HTR4: variants seen among roughly 807,000 people sequenced by gnomAD.
HTR4 encodes 5-hydroxytryptamine (serotonin) receptor 4, G protein-coupled.
In HTR4, 16 loss-of-function variants were observed where a neutral mutation model predicts 36.8. That is an observed-to-expected ratio of 0.43 (90% confidence interval 0.29 to 0.66). HTR4 has a LOEUF of 0.66. HTR4 is among the 30% of genes least tolerant of loss of function. The probability of loss-of-function intolerance (pLI) is 0.13; values close to 1 mark genes in which losing one functional copy is unlikely to be tolerated. For missense variants in HTR4, 438 were observed against 490.9 expected (o/e 0.89, Z 1.02); for synonymous variants, 189 against 185.1 (o/e 1.02, Z -0.17).
intron 5 of HTR4, among the ~76,000 whole-genome samples, chr5:148,462,678 T>C (rs1414892763): frequency 6.6e-6 from 1 of 152,076 alleles, no homozygotes; most frequent in Non-Finnish European, 1.5e-5. Context: ...AGCATTATCC[T>C]GTACCAAAAC....
chr5:148,454,675 A>G (rs1033223097), intron 5 of HTR4, among the ~76,000 whole-genome samples: 3 of 152,168 alleles, frequency 2.0e-5, no homozygotes, highest in South Asian at 2.1e-4. Context: ...AGCAACACCA[A>G]TTGATTTCCC....
chr5:148,554,956 G>A (rs1470824446), intron 2 of HTR4, among the ~76,000 whole-genome samples: 1 of 151,934 alleles, frequency 6.6e-6, no homozygotes, highest in Non-Finnish European at 1.5e-5. Context: ...CAGCTCCATC[G>A]ATGTTGCTGC....
intron 2 of HTR4, among the ~76,000 whole-genome samples, chr5:148,609,361 G>C (rs559745423): frequency 1.0e-3 from 157 of 152,172 alleles, no homozygotes; most frequent in African/African-American, 3.3e-3. Context: ...TCCTTCACTG[G>C]GGACAAACTC....
chr5:148,527,352 G>T (rs1246707886), intron 4 of HTR4, among the ~76,000 whole-genome samples: 10 of 152,198 alleles, frequency 6.6e-5, no homozygotes, highest in African/African-American at 2.4e-4. Context: ...TGGTTATATT[G>T]GTGCTCATAA....
At chr5:148,566,133 A>C (rs749047939) in intron 2 of HTR4, among the ~76,000 whole-genome samples, 2 of 152,206 alleles carry the variant, frequency 1.3e-5, no homozygotes, top group Non-Finnish European at 2.9e-5. Context: ...TATTGGTTAC[A>C]TAAACAATTT....
At chr5:148,623,756 C>A (rs751295586) in intron 2 of HTR4, among the ~76,000 whole-genome samples, 1 of 152,122 alleles carries the variant, frequency 6.6e-6, no homozygotes, top group Non-Finnish European at 1.5e-5. Flanking sequence ...CCCGTGCTAA[C>A]GTTCTAGGTC....
At chr5:148,528,289 A>G (rs1758385326) in intron 4 of HTR4, among the ~76,000 whole-genome samples, 1 of 152,204 alleles carries the variant, frequency 6.6e-6, no homozygotes, top group Non-Finnish European at 1.5e-5. Context: ...CCTCTGTCTT[A>G]CAGTAAACAT....
At chr5:148,591,013 T>C (rs1761544567) in intron 2 of HTR4, among the ~76,000 whole-genome samples, 1 of 152,192 alleles carries the variant, frequency 6.6e-6, no homozygotes, top group South Asian at 2.1e-4. Context: ...GTATATGGTG[T>C]AAGGAAGGGG....
Position 148,519,615 on chromosome 5 carries a change from A to G in HTR4, c.507+3578T>C, listed in dbSNP as rs141966487. On this transcript the variant is annotated intron_variant, in intron 5 of 6. Transcript: ENST00000377888. ...TATTTGTAACCTCCTAAATCCCCCA[A>G]ATCAATACTTGAGTTGCTTTCACAG... Among the ~76,000 whole-genome samples the G allele has an allele frequency of 6.6e-5, 10 of 152,284 alleles. No individual in the cohort carries two copies. In the East Asian group the frequency reaches 1.9e-3, roughly 29 times the overall value.
intron 2 of HTR4, among the ~76,000 whole-genome samples, chr5:148,622,733 G>A (rs1752959203): frequency 6.6e-6 from 1 of 152,096 alleles, no homozygotes; most frequent in Non-Finnish European, 1.5e-5. Flanking sequence ...GATATTGTGA[G>A]ACTTAGATAA....
intron 4 of HTR4, among the ~76,000 whole-genome samples, chr5:148,524,888 T>C (rs916748607): frequency 6.6e-6 from 1 of 151,474 alleles, no homozygotes; most frequent in African/African-American, 2.4e-5. Context: ...AGAGAGAGGG[T>C]GGAATGAGGA....
chr5:148,527,971 G>C (rs1758363957), intron 4 of HTR4, among the ~76,000 whole-genome samples: 1 of 152,150 alleles, frequency 6.6e-6, no homozygotes, highest in African/African-American at 2.4e-5. Flanking sequence ...CAGAAGTAAA[G>C]TGCTTGGGCA....
chr5:148,468,421 T>C (rs944002845), intron 5 of HTR4, among the ~76,000 whole-genome samples: 1 of 152,120 alleles, frequency 6.6e-6, no homozygotes, highest in African/African-American at 2.4e-5. Flanking sequence ...TATTTACAAA[T>C]ATTGAGTTAT....
At chr5:148,491,187 C>T (rs111390930) in intron 6 of HTR4, among the ~76,000 whole-genome samples, 2 of 152,244 alleles carry the variant, frequency 1.3e-5, no homozygotes, top group South Asian at 2.1e-4. Flanking sequence ...CAAGTACATG[C>T]TGTAAGAGAA....
intron 2 of HTR4, among the ~76,000 whole-genome samples, chr5:148,572,662 TG>T (rs1348209557): frequency 6.6e-6 from 1 of 152,124 alleles, no homozygotes; most frequent in African/African-American, 2.4e-5. Context: ...TACCAATAGT[TG>T]TAACTCCCAA....
intron 1 of HTR4, chr5:148,645,209 C>A (rs1331721195): frequency 6.6e-6 from 1 of 152,186 alleles, no homozygotes; most frequent in Middle Eastern, 3.4e-3. Context: ...TGGGAGGTGG[C>A]ACTTTTTTCT....
intron 2 of HTR4, among the ~76,000 whole-genome samples, chr5:148,616,832 CAT>C (rs1467367290): frequency 5.3e-5 from 8 of 151,942 alleles, no homozygotes; most frequent in Admixed American, 2.0e-4. Context: ...CAATAGCCAA[CAT>C]AGTTTTTAAT....
intron 2 of HTR4, among the ~76,000 whole-genome samples, chr5:148,623,297 C>A (rs1668356443): frequency 6.6e-6 from 1 of 152,124 alleles, no homozygotes; most frequent in South Asian, 2.1e-4. Context: ...TTGAACTTAT[C>A]TTAAGGAAAT....
intron 4 of HTR4, among the ~76,000 whole-genome samples, chr5:148,528,917 A>C (rs1758418484): frequency 1.3e-5 from 2 of 151,704 alleles, no homozygotes; most frequent in South Asian, 4.2e-4. Flanking sequence ...TTTAATCCGC[A>C]CAACTATTAG....
Sources: gnomAD v4.1 joint callset for allele counts (sites outside exome capture counted in the v4.1 genomes callset) on GRCh38, gnomAD v4.1.1 for gene constraint, MANE v1.5 for transcripts, NCBI Gene and HGNC (gene_info 2026-07-23, HGNC 2026-07-21) for gene names.